SMAD2: variants seen among roughly 807,000 people sequenced by gnomAD.
The protein encoded by SMAD2 is MAD homolog 2.
SMAD2 carries 8 observed loss-of-function variants against 64.4 expected under a neutral mutation model. The observed-to-expected ratio is 0.12, with a 90% CI of 0.07 to 0.22. SMAD2 has a LOEUF of 0.22. SMAD2 is among the 10% of genes least tolerant of loss of function. The pLI, the probability that SMAD2 is intolerant of heterozygous loss-of-function variation, is 1.00. For synonymous variants in SMAD2, 203 were observed against 195.8 expected (o/e 1.04, Z -0.31); for missense variants, 289 against 561.2 (o/e 0.51, Z 4.90).
At chr18:47,912,706 C>T (rs2034184479) in intron 1 of SMAD2, among the ~76,000 whole-genome samples, 1 of 152,018 alleles carries the variant, frequency 6.6e-6, no homozygotes. Flanking sequence ...TTTGAGTTAG[C>T]ATGAGTAATC....
At chr18:47,851,243 A>G (rs1474514877) in intron 7 of SMAD2, 31 bp downstream of exon 7, 26 of 1,488,752 alleles carry the variant, frequency 1.7e-5, no homozygotes, top group Non-Finnish European at 2.1e-5. Flanking sequence ...TACAGTATAA[A>G]AATGATGAGG....
chr18:47,894,972 C>T (rs1163137292), intron 2 of SMAD2, among the ~76,000 whole-genome samples: 2 of 152,180 alleles, frequency 1.3e-5, no homozygotes, highest in East Asian at 1.9e-4. Flanking sequence ...AGCACAGCCA[C>T]CACGCCAGTC....
chr18:47,857,537 A>C (rs1471855747), intron 6 of SMAD2, among the ~76,000 whole-genome samples: 1 of 152,238 alleles, frequency 6.6e-6, no homozygotes, highest in Non-Finnish European at 1.5e-5. Flanking sequence ...GTAAGAAAAC[A>C]GTGGATAAAC....
At chr18:47,905,731 TC>T (rs1261476201) in intron 1 of SMAD2, among the ~76,000 whole-genome samples, 1 of 152,176 alleles carries the variant, frequency 6.6e-6, no homozygotes, top group African/African-American at 2.4e-5. Flanking sequence ...CATACCATCT[TC>T]AATGGGAAAG....
At chr18:47,920,604 G>A (rs1163939930) in intron 1 of SMAD2, among the ~76,000 whole-genome samples, 1 of 152,176 alleles carries the variant, frequency 6.6e-6, no homozygotes, top group African/African-American at 2.4e-5. Flanking sequence ...GAGATGTAAA[G>A]GAGGCTTACT....
Position 47,824,481 on chromosome 18 carries a change from G to A in SMAD2, c.*17346C>T, listed in dbSNP as rs373287889. 6.6e-6 allele frequency: 1 copy of A among 152,134 alleles called. No homozygotes were observed. The highest frequency in any genetic ancestry group is 1.5e-5 in the Non-Finnish European group (1 of 68,028). 9.4% of individuals were successfully genotyped at this position (152,134 alleles called of 1,614,324 possible). A position where few individuals can be genotyped will look rare whatever the true frequency, so the allele number is the denominator to read the frequency against. ...ATCTTTATCTGTCCTTTAAAAACCT[G>A]TCTTCCTTTACCTTCCTGAATACAC... On this transcript the variant is annotated 3_prime_UTR_variant, in exon 11 of 11. Transcript: ENST00000262160.
intron 10 of SMAD2, among the ~76,000 whole-genome samples, chr18:47,842,747 C>G (rs1427853828): frequency 1.3e-5 from 2 of 152,150 alleles, no homozygotes; most frequent in African/African-American, 4.8e-5. Flanking sequence ...GTGTTAAAAG[C>G]TGGAATTCAA....
At chr18:47,885,553 A>ATAAGTGT (rs563434887) in intron 2 of SMAD2, among the ~76,000 whole-genome samples, 88 of 152,270 alleles carry the variant, frequency 5.8e-4, no homozygotes, top group Admixed American at 8.5e-4. Context: ...TGTTATTCTA[A>ATAAGTGT]TCTTAAAATA....
At chr18:47,887,520 C>T (rs2032974811) in intron 2 of SMAD2, among the ~76,000 whole-genome samples, 1 of 152,176 alleles carries the variant, frequency 6.6e-6, no homozygotes, top group African/African-American at 2.4e-5. Flanking sequence ...ACTTCTCAGG[C>T]TTGTCTGCTT....
Position 47,824,782 on chromosome 18 carries a change from C to G in SMAD2, c.*17045G>C, listed in dbSNP as rs972247562. The stretch of plus-strand genomic sequence containing the variant: ...GTCGAACATTTTTAATTTCAAACAC[C>G]AAACTTAAATAGACTAATAACACAG... On this transcript the variant is annotated 3_prime_UTR_variant, in exon 11 of 11. Coordinates refer to ENST00000262160, the MANE Select transcript of SMAD2 (RefSeq NM_005901.6). The G allele has an allele frequency of 2.0e-5, 3 of 151,900 alleles. No individual in the cohort carries two copies. In the South Asian group the frequency reaches 6.3e-4, roughly 32 times the overall value. The allele number at this position is 151,900 out of a possible 1,614,324, so 9.4% of individuals were successfully genotyped here.
chr18:47,905,590 G>C (rs1284610315), intron 1 of SMAD2, among the ~76,000 whole-genome samples: 3 of 152,124 alleles, frequency 2.0e-5, no homozygotes, highest in Non-Finnish European at 2.9e-5. Context: ...AAAAAGATCA[G>C]TGGAACAGAA....
chr18:47,881,344 T>C (rs1277134126), intron 2 of SMAD2, among the ~76,000 whole-genome samples: 1 of 152,194 alleles, frequency 6.6e-6, no homozygotes. Flanking sequence ...TTCCTAAGTA[T>C]TTAGTACTGA....
In SMAD2 at chr18:47,923,004, T is replaced by C. The variant is rs570336889; in HGVS notation, c.-54+7357A>G. Reference sequence around the variant, plus strand: ...TGAATTTAATTCAAGAAAATTATTATTTTAGCAAAAGTCCACATTAAATAG... The same window carrying C: ...TGAATTTAATTCAAGAAAATTATTACTTTAGCAAAAGTCCACATTAAATAG... On this transcript the variant is annotated intron_variant, in intron 1 of 10. Coordinates refer to ENST00000262160, the MANE Select transcript of SMAD2 (RefSeq NM_005901.6). Among the ~76,000 whole-genome samples the C allele has an allele frequency of 2.4e-4, 36 of 151,980 alleles. 1 individual carries two copies. Among genetic ancestry groups the C allele is most frequent in the Admixed American group, 2.2e-3 (33 of 15,268 alleles).
Position 47,820,670 on chromosome 18 carries a change from T to TTAA in SMAD2, c.*21154_*21156dup, listed in dbSNP as rs1036908719. 1 of 152,142 alleles carries TTAA rather than the reference T, an allele frequency of 6.6e-6. No homozygotes were observed. Among genetic ancestry groups the TTAA allele is most frequent in the African/African-American group, 2.4e-5 (1 of 41,424 alleles). 9.4% of individuals were successfully genotyped at this position (152,142 alleles called of 1,614,324 possible). On this transcript the variant is annotated 3_prime_UTR_variant, in exon 11 of 11. Transcript: ENST00000262160. ...GGAAGTATAAAACAAAGCAGAAAGT[T>TTAA]TAAGCATGTCACTGAAGGTCTGTGC...
chr18:47,843,171 A>C (rs62086510), intron 10 of SMAD2, among the ~76,000 whole-genome samples: 23 of 152,274 alleles, frequency 1.5e-4, no homozygotes, highest in African/African-American at 5.5e-4. Context: ...GATATACCCA[A>C]AAAGGCTAGA....
intron 1 of SMAD2, among the ~76,000 whole-genome samples, chr18:47,898,781 GA>G (rs1225253258): frequency 6.6e-6 from 1 of 152,040 alleles, no homozygotes; most frequent in Non-Finnish European, 1.5e-5. Flanking sequence ...GGTACACAAA[GA>G]AACACCATCT....
intron 10 of SMAD2, 36 bp from the exon 11 acceptor site, chr18:47,841,986 T>C (rs1226030331): frequency 6.2e-7 from 1 of 1,612,964 alleles, no homozygotes; most frequent in Admixed American, 1.7e-5. Context: ...ATTATGAAAT[T>C]CAAGTCCACA....
intron 6 of SMAD2, among the ~76,000 whole-genome samples, chr18:47,855,349 T>A (rs1214100166): frequency 6.6e-6 from 1 of 152,130 alleles, no homozygotes; most frequent in Non-Finnish European, 1.5e-5. Flanking sequence ...AGACCTAAGT[T>A]TTCAATTCAT....
intron 6 of SMAD2, 124 bp downstream of exon 6, chr18:47,864,935 G>T (rs1191985879): frequency 4.4e-6 from 3 of 684,572 alleles, no homozygotes; most frequent in Non-Finnish European, 5.3e-6. Context: ...CAAGATAGAA[G>T]ATCATCTTTT....
Sources: allele counts gnomAD v4.1 joint callset (sites outside exome capture counted in the v4.1 genomes callset), GRCh38; gene constraint gnomAD v4.1.1; transcripts MANE v1.5; gene names NCBI Gene and HGNC (gene_info 2026-07-23, HGNC 2026-07-21).